Variants in TNRC18 observed in about 807,000 individuals in gnomAD.
TNRC18 encodes trinucleotide repeat-containing gene 18 protein.
Under a neutral mutation model 226.7 loss-of-function variants are expected in TNRC18, and 69 were observed. That is an observed-to-expected ratio of 0.30 (90% CI 0.25 to 0.37). The LOEUF (loss-of-function observed/expected upper bound fraction) is 0.37. Ranked by LOEUF, TNRC18 falls within the 10% of genes least tolerant of loss-of-function variation. TNRC18 has a pLI of 1.00. For synonymous variants in TNRC18, 2,449 were observed against 1,927.6 expected, an observed-to-expected ratio of 1.27 and a Z score of -7.09; for missense variants, 4,754 against 4,256.6, an observed-to-expected ratio of 1.12 and a Z score of -3.25.
At position 5,309,171 on chromosome 7, in the gene TNRC18, G is replaced by A. The variant is rs375916594; in HGVS notation, c.8586C>T (p.Pro2862=). The stretch of plus-strand genomic sequence containing the variant: ...ACTGCTTGCCCGGGCTGGTCTCCTC[G>A]GGGTGGTAGAACCACTTGACGCGGA... ...MVVRVKWFYH[P]EETSPGKQFH... Residue 2862 remains proline (P), a synonymous_variant, in exon 28 of 30, where the codon CCC becomes CCT. Transcript: ENST00000430969. This position sits in a 1 kb window ranked among gnomAD's most constrained non-coding sequence, Gnocchi z 5.7. 1.1e-4 allele frequency: 181 copies of A among 1,612,346 alleles called. 2 individuals are homozygous for A. The highest frequency in any genetic ancestry group is 1.2e-4 in the Non-Finnish European group (146 of 1,179,682).
chr7:5,356,378 C>T (rs988617243), intron 16 of TNRC18, among the ~76,000 whole-genome samples: 9 of 152,198 alleles, frequency 5.9e-5, no homozygotes, highest in Admixed American at 2.6e-4. Context: ...ACAGTAACGC[C>T]AATGAACCCC....
At chr7:5,327,339 T>TG (rs890166658) in intron 19 of TNRC18, among the ~76,000 whole-genome samples, 4 of 151,868 alleles carry the variant, frequency 2.6e-5, no homozygotes, top group African/African-American at 9.7e-5. Context: ...ATCCCCATTT[T>TG]GGGGGGGAAA....
intron 16 of TNRC18, among the ~76,000 whole-genome samples, chr7:5,355,342 T>A (rs370646961): frequency 6.6e-6 from 1 of 152,192 alleles, no homozygotes; most frequent in Non-Finnish European, 1.5e-5. Context: ...AAGAGCTCAA[T>A]AGCAGCTAGG....
At chr7:5,331,566 A>G (rs143290090) in intron 19 of TNRC18, among the ~76,000 whole-genome samples, 1 of 152,328 alleles carries the variant, frequency 6.6e-6, no homozygotes, top group East Asian at 1.9e-4. Context: ...CGGAAACCAC[A>G]GAGACTTGCA....
Position 5,307,038 on chromosome 7 carries a change from T to TGCCTCTCCC in TNRC18, c.*1059_*1067dup, listed in dbSNP as rs1786588624. 7.0e-6 allele frequency: 1 copy of TGCCTCTCCC among 142,908 alleles called. No homozygotes were observed. Among genetic ancestry groups the TGCCTCTCCC allele is most frequent in the Admixed American group, 7.0e-5 (1 of 14,198 alleles). 8.9% of individuals were successfully genotyped at this position (142,908 alleles called of 1,614,324 possible). On this transcript the variant is annotated 3_prime_UTR_variant, in exon 30 of 30. Coordinates refer to ENST00000430969, the MANE Select transcript of TNRC18 (RefSeq NM_001080495.3). The stretch of plus-strand genomic sequence containing the variant: ...GGGACCCTGGGCTTGGGCCGGCTCC[T>TGCCTCTCCC]GCCTCTCCCTCTTCTCTCCCTAACA...
chr7:5,330,046 C>G (rs1000430172), intron 19 of TNRC18: 1 of 469,446 alleles, frequency 2.1e-6, no homozygotes, highest in Non-Finnish European at 4.4e-6. Flanking sequence ...CTCAGCATCC[C>G]AAGAACAGAC....
chr7:5,414,901 A>G (rs1171513121), intron 2 of TNRC18, among the ~76,000 whole-genome samples: 4 of 152,226 alleles, frequency 2.6e-5, no homozygotes, highest in Non-Finnish European at 4.4e-5. Flanking sequence ...GATCCAATAG[A>G]GAGCCATACA....
rs57464872 is a variant in TNRC18, at chr7:5,404,763, A to AGTGTGTGTGTGTGTGTGT, written c.188-10186_188-10169dup. ...ACCCCAGCAGCGCATGCACACTTTCAGTGTGTGTGTGTGTGTGTGTGTGTG... is the reference window on the plus strand; with the variant it reads ...ACCCCAGCAGCGCATGCACACTTTCAGTGTGTGTGTGTGTGTGTGTGTGTGTGTGTGTGTGTGTGTGTG... On this transcript the variant is annotated intron_variant, in intron 2 of 29. Transcript: ENST00000430969. Among the ~76,000 whole-genome samples, 949 of 147,194 alleles carry AGTGTGTGTGTGTGTGTGT rather than the reference A, an allele frequency of 6.4e-3. 14 individuals are homozygous for AGTGTGTGTGTGTGTGTGT. The highest frequency in any genetic ancestry group is 0.022 in the African/African-American group (892 of 39,828).
At chr7:5,361,125 C>A (rs1435202719) in intron 14 of TNRC18, among the ~76,000 whole-genome samples, 1 of 152,206 alleles carries the variant, frequency 6.6e-6, no homozygotes, top group East Asian at 1.9e-4. Flanking sequence ...GCGACCGCCG[C>A]CCGAGGAGGA....
At chr7:5,356,886 A>T (rs1792477670) in intron 16 of TNRC18, 30 bp downstream of exon 16, 1 of 1,499,488 alleles carries the variant, frequency 6.7e-7, no homozygotes, top group African/African-American at 1.4e-5. Context: ...GAAGCAGCGG[A>T]CCAGAGGTGG....
chr7:5,336,017 G>A lies in TNRC18; in HGVS notation c.5720-2968C>T, dbSNP rs141453441. On this transcript the variant is annotated intron_variant, in intron 18 of 29. Coordinates refer to ENST00000430969, the MANE Select transcript of TNRC18 (RefSeq NM_001080495.3). ...AGGTGAGGAGTTTGAGACCAGCCTGGCCAACATGGCAAAACCCCATCTCTA... is the reference window on the plus strand; with the variant it reads ...AGGTGAGGAGTTTGAGACCAGCCTGACCAACATGGCAAAACCCCATCTCTA... 5.3e-3 allele frequency among the ~76,000 whole-genome samples: 812 copies of A among 151,924 alleles called. 2 individuals are homozygous for A. The highest frequency in any genetic ancestry group is 8.2e-3 in the Non-Finnish European group (558 of 67,950).
chr7:5,374,588 C>T lies in TNRC18; in HGVS notation c.2800-104G>A, dbSNP rs150023028. 281 of 1,222,766 alleles carry T rather than the reference C, an allele frequency of 2.3e-4. 2 individuals are homozygous for T. In the African/African-American group the frequency reaches 3.7e-3, roughly 16 times the overall value. The allele number at this position is 1,222,766 out of a possible 1,614,324, so 75.7% of individuals were successfully genotyped here. ...AAGGGTCCCCGAGTCCGAGGAGAACCTCATGCAGGGCCTGGGGTCCAGGCT... is the reference window on the plus strand; with the variant it reads ...AAGGGTCCCCGAGTCCGAGGAGAACTTCATGCAGGGCCTGGGGTCCAGGCT... On this transcript the variant is annotated intron_variant, in intron 9 of 29. Transcript: ENST00000430969.
chr7:5,311,321 G>A (rs1280201261), intron 27 of TNRC18, among the ~76,000 whole-genome samples: 3 of 152,270 alleles, frequency 2.0e-5, no homozygotes, highest in Non-Finnish European at 4.4e-5. Flanking sequence ...GCTGCAGGCA[G>A]GGCACACGGG....
chr7:5,377,643 G>T lies in TNRC18; in HGVS notation c.2256-67C>A. 2 of 1,484,886 alleles carry T rather than the reference G, an allele frequency of 1.3e-6. No individual in the cohort carries two copies. Among genetic ancestry groups the T allele is most frequent in the East Asian group, 5.0e-5 (2 of 40,194 alleles). The allele number at this position is 1,484,886 out of a possible 1,614,324, so 92.0% of individuals were successfully genotyped here. On this transcript the variant is annotated intron_variant, in intron 6 of 29. Coordinates refer to ENST00000430969, the MANE Select transcript of TNRC18 (RefSeq NM_001080495.3). The surrounding 1 kb of genome is among the most constrained non-coding windows in gnomAD (Gnocchi z 5.8). ...CCAGGGGACGAGAGGGAGAAGCGGG[G>T]TTGCCCCAAGGAACTGTTTGCCACC...
chr7:5,323,759 G>C (rs1237017650), intron 21 of TNRC18, among the ~76,000 whole-genome samples: 3 of 151,930 alleles, frequency 2.0e-5, no homozygotes, highest in East Asian at 1.9e-4. Context: ...GTAGAATCAG[G>C]GTTTCACCAT....
At chr7:5,325,426 T>TG in intron 19 of TNRC18, 178 bp from the exon 20 acceptor site, 3 of 669,274 alleles carry the variant, frequency 4.5e-6, no homozygotes, top group African/African-American at 2.0e-5. Context: ...GGGTTTTTTT[T>TG]TGTTTTTTTT....
Position 5,389,088 on chromosome 7 carries a change from G to T in TNRC18, c.736C>A (p.Arg246Ser). The T allele has an allele frequency of 7.7e-7, 1 of 1,290,434 alleles. No homozygotes were observed. Among genetic ancestry groups the T allele is most frequent in the Non-Finnish European group, 9.9e-7 (1 of 1,013,710 alleles). The allele number at this position is 1,290,434 out of a possible 1,614,324, so 79.9% of individuals were successfully genotyped here. Residue 246 changes from arginine to serine, a missense_variant, in exon 5 of 30, where the codon CGC becomes AGC. Transcript: ENST00000430969. ...CCCCGGTCCTGGCGGCCCTCGGCGC[G>T]CGCCTCCTGGGTCAGGTCCACCACG... ...RGVVDLTQEA[R>S]AEGRQDRGPP...
chr7:5,388,998 G>C lies in TNRC18; in HGVS notation c.826C>G (p.Leu276Val). 2 of 1,361,514 alleles carry C rather than the reference G, an allele frequency of 1.5e-6. No individual in the cohort carries two copies. The highest frequency in any genetic ancestry group is 1.5e-5 in the South Asian group (1 of 66,702). The allele number at this position is 1,361,514 out of a possible 1,614,324, so 84.3% of individuals were successfully genotyped here. ...CACATGGTCAGTACCGACGGCTGCAGCGCCGCATTCTTGGTCTTGGACTCA... is the reference window on the plus strand; with the variant it reads ...CACATGGTCAGTACCGACGGCTGCACCGCCGCATTCTTGGTCTTGGACTCA... Reference protein sequence around the residue: ...LAESKTKNAALQPSVLTMCNG... With the variant: ...LAESKTKNAAVQPSVLTMCNG... Residue 276 changes from leucine (L) to valine (V), a missense_variant, in exon 5 of 30, where the codon CTG (leucine) becomes GTG (valine). Coordinates refer to ENST00000430969, the MANE Select transcript of TNRC18 (RefSeq NM_001080495.3).
chr7:5,361,625 T>C lies in TNRC18; in HGVS notation c.4630A>G (p.Lys1544Glu). 1 of 1,545,932 alleles carries C rather than the reference T, an allele frequency of 6.5e-7. No individual in the cohort carries two copies. Among genetic ancestry groups the C allele is most frequent in the Non-Finnish European group, 8.7e-7 (1 of 1,146,928 alleles). The change falls in exon 14 of 30, where the codon AAG (lysine) becomes GAG (glutamate). Residue 1544 changes from lysine to glutamate, a missense_variant. Physicochemically the swap from Lys to Glu is moderately conservative, Grantham distance 56. Coordinates refer to ENST00000430969, the MANE Select transcript of TNRC18 (RefSeq NM_001080495.3). ...HAPSALSPPRKRGKSGHSSGK... is the reference protein window; with the variant it reads ...HAPSALSPPRERGKSGHSSGK... ...CTACTGTGGCCGCTCTTCCCTCTCT[T>C]GCGGGGGGGCGACAGGGCGCTCGGG...
Sources: gnomAD v4.1 joint callset for allele counts (sites outside exome capture counted in the v4.1 genomes callset) on GRCh38, gnomAD v4.1.1 for gene constraint, Gnocchi (gnomAD v3.1) non-coding constraint, MANE v1.5 for transcripts, NCBI Gene and HGNC (gene_info 2026-07-23, HGNC 2026-07-21) for gene names.